TOGARAM2: variants seen among roughly 807,000 people sequenced by gnomAD.
TOGARAM2 encodes TOG array regulator of axonemal microtubules 2.
A neutral mutation model predicts 93.3 loss-of-function variants in TOGARAM2; 85 were observed. That is an observed-to-expected ratio of 0.91 (90% CI 0.76 to 1.09). The LOEUF is 1.09. Ranked by LOEUF, TOGARAM2 falls within the 50% of genes least tolerant of loss-of-function variation. The pLI, the probability that TOGARAM2 is intolerant of heterozygous loss-of-function variation, is 0.00. For missense variants in TOGARAM2, 1,277 were observed against 1,334.5 expected, an observed-to-expected ratio of 0.96 and a Z score of 0.67; for synonymous variants, 593 against 552.8, an observed-to-expected ratio of 1.07 and a Z score of -1.02.
At chr2:28,967,798 CT>C (rs11417570) in intron 1 of TOGARAM2, among the ~76,000 whole-genome samples, 74 of 78,562 alleles carry the variant, frequency 9.4e-4, no homozygotes, top group South Asian at 6.2e-3. Context: ...ATAAGATGGT[CT>C]TTTTTTTTTT....
intron 1 of TOGARAM2, among the ~76,000 whole-genome samples, chr2:28,959,977 C>T (rs975149602): frequency 6.6e-6 from 1 of 152,170 alleles, no homozygotes; most frequent in Non-Finnish European, 1.5e-5. Context: ...AGGCTACAAA[C>T]CTGGACAGCA....
chr2:28,973,404 CTT>C (rs1671978259), intron 1 of TOGARAM2, among the ~76,000 whole-genome samples: 11 of 104,852 alleles, frequency 1.0e-4, no homozygotes, highest in African/African-American at 4.4e-4. Flanking sequence ...CCCTTCCTTC[CTT>C]CCTCCTTTCC....
At chr2:29,045,048 G>A (rs1314641019) in intron 18 of TOGARAM2, among the ~76,000 whole-genome samples, 2 of 152,066 alleles carry the variant, frequency 1.3e-5, no homozygotes, top group African/African-American at 4.8e-5. Flanking sequence ...CAAAACTCCT[G>A]TCAATTTTGA....
intron 1 of TOGARAM2, among the ~76,000 whole-genome samples, chr2:28,973,832 C>T (rs939272478): frequency 6.6e-6 from 1 of 152,044 alleles, no homozygotes; most frequent in Non-Finnish European, 1.5e-5. Context: ...ACTGACCTGC[C>T]CTTAGCCATT....
intron 13 of TOGARAM2, 103 bp downstream of exon 13, chr2:29,024,477 A>T (rs1475637828): frequency 3.1e-5 from 12 of 384,990 alleles, no homozygotes; most frequent in African/African-American, 4.3e-5. Flanking sequence ...GCAGGGAGGG[A>T]GGGAGGGAAG....
chr2:28,989,635 AC>A (rs1672624810), intron 1 of TOGARAM2, among the ~76,000 whole-genome samples: 1 of 148,024 alleles, frequency 6.8e-6, no homozygotes, highest in African/African-American at 2.5e-5. Context: ...CTGGTCTTGA[AC>A]TCAAGCGATC....
chr2:29,040,371 C>T (rs12465721), intron 18 of TOGARAM2, among the ~76,000 whole-genome samples: 1 of 152,216 alleles, frequency 6.6e-6, no homozygotes, highest in East Asian at 1.9e-4. Flanking sequence ...GAAAAAAATC[C>T]CTCACTCATA....
Position 28,998,271 on chromosome 2 carries a change from C to A in TOGARAM2, c.139+18C>A. On this transcript the variant is annotated intron_variant, in intron 3 of 19. Transcript: ENST00000379558. ...TGGAGAAGGTGAGATGGGAAGACCT[C>A]ACCTGGTCAGGGCCCCTGGCCTCAT... is the stretch of plus-strand genomic sequence containing the variant. The A allele has an allele frequency of 6.3e-7, 1 of 1,583,370 alleles. No individual in the cohort carries two copies. Among genetic ancestry groups the A allele is most frequent in the Non-Finnish European group, 8.6e-7 (1 of 1,159,994 alleles).
chr2:29,000,532 TCTCTC>T (rs759717542), intron 4 of TOGARAM2, among the ~76,000 whole-genome samples: 56 of 152,296 alleles, frequency 3.7e-4, no homozygotes, highest in Non-Finnish European at 5.9e-4. Context: ...TTTCCTTCCT[TCTCTC>T]CTCTTCTGGG....
Position 28,988,866 on chromosome 2 carries a change from T to C in TOGARAM2, c.-110-5859T>C, listed in dbSNP as rs375347657. 6.0e-4 allele frequency among the ~76,000 whole-genome samples: 91 copies of C among 152,272 alleles called. No individual in the cohort carries two copies. The South Asian group carries it at 0.017, about 29-fold the overall frequency. The stretch of plus-strand genomic sequence containing the variant: ...ATGATTCCATAATGGTCACATCCAA[T>C]TGGCTGAGCTGACACCTCTAACCAC... On this transcript the variant is annotated intron_variant, in intron 1 of 19. Transcript: ENST00000379558.
At position 29,002,411 on chromosome 2, in the gene TOGARAM2, C is replaced by T. The variant is rs1288542915; in HGVS notation, c.428-125C>T. 1.8e-5 allele frequency: 14 copies of T among 798,372 alleles called. No homozygotes were observed. In the Admixed American group the frequency reaches 3.2e-4, roughly 18 times the overall value. 49.5% of individuals were successfully genotyped at this position (798,372 alleles called of 1,614,324 possible). ...ACCAGTGGTGGGGTTGGGGACAGATCTGATCTCTCTCCTCGCCATCCCAGT... is the reference window on the plus strand; with the variant it reads ...ACCAGTGGTGGGGTTGGGGACAGATTTGATCTCTCTCCTCGCCATCCCAGT... On this transcript the variant is annotated intron_variant, in intron 4 of 19. Transcript: ENST00000379558.
intron 1 of TOGARAM2, among the ~76,000 whole-genome samples, chr2:28,975,564 A>G (rs1460079298): frequency 1.3e-5 from 2 of 152,098 alleles, no homozygotes; most frequent in Non-Finnish European, 2.9e-5. Context: ...CATTTTTATG[A>G]TGACTATTTA....
chr2:28,999,602 C>T (rs1673180163), intron 4 of TOGARAM2, 134 bp downstream of exon 4: 2 of 1,022,176 alleles, frequency 2.0e-6, no homozygotes, highest in South Asian at 3.4e-5. Context: ...TGGGTACATA[C>T]CAGGTACCTT....
chr2:29,013,187 T>A (rs1281064035), intron 7 of TOGARAM2, among the ~76,000 whole-genome samples: 1 of 152,186 alleles, frequency 6.6e-6, no homozygotes, highest in Non-Finnish European at 1.5e-5. Flanking sequence ...TAATGAGAAA[T>A]GTACCTTTAA....
intron 1 of TOGARAM2, among the ~76,000 whole-genome samples, chr2:28,957,117 A>C (rs1285897353): frequency 6.6e-6 from 1 of 152,158 alleles, no homozygotes; most frequent in African/African-American, 2.4e-5. Flanking sequence ...AAAACAAAAA[A>C]CAAAAAACGA....
Position 29,033,549 on chromosome 2 carries a change from G to T in TOGARAM2, c.2211G>T (p.Leu737=), listed in dbSNP as rs755637602. The T allele has an allele frequency of 1.2e-6, 2 of 1,613,420 alleles. No individual in the cohort carries two copies. Among genetic ancestry groups the T allele is most frequent in the East Asian group, 4.5e-5 (2 of 44,878 alleles). Residue 737 remains leucine, a synonymous_variant, in exon 16 of 20, where the codon CTG becomes CTT. Transcript: ENST00000379558. ...GTCTGGTGGTGTGTGAGAACGGGCT[G>T]CCCATCAAGGAGGGGTATGGCTGCT... ...LRSLVVCENG[L]PIKEGLSCNG... is the part of the protein sequence containing the mutation.
At chr2:28,991,046 T>C (rs1672711513) in intron 1 of TOGARAM2, among the ~76,000 whole-genome samples, 2 of 142,224 alleles carry the variant, frequency 1.4e-5, no homozygotes, top group South Asian at 4.6e-4. Flanking sequence ...GTGTGGCTTT[T>C]CCCCAGGGAA....
At chr2:29,030,146 C>T (rs1251643528) in intron 14 of TOGARAM2, among the ~76,000 whole-genome samples, 3 of 152,056 alleles carry the variant, frequency 2.0e-5, no homozygotes, top group East Asian at 1.9e-4. Context: ...CATGGTAGCA[C>T]GTGCCTGTGG....
intron 1 of TOGARAM2, among the ~76,000 whole-genome samples, chr2:28,976,048 C>G (rs1672021740): frequency 6.6e-6 from 1 of 152,156 alleles, no homozygotes; most frequent in African/African-American, 2.4e-5. Flanking sequence ...ACACATTTTC[C>G]TATTTCTTTG....
Sources: allele counts gnomAD v4.1 joint callset (sites outside exome capture counted in the v4.1 genomes callset), GRCh38; gene constraint gnomAD v4.1.1; transcripts MANE v1.5; gene names NCBI Gene and HGNC (gene_info 2026-07-23, HGNC 2026-07-21).